CCSER1: variants seen among roughly 807,000 people sequenced by gnomAD.
The protein encoded by CCSER1 is coiled-coil serine rich protein 1, also known as serine-rich coiled-coil domain-containing protein 1.
In CCSER1, 41 loss-of-function variants were observed where a neutral mutation model predicts 82.0. That is an observed-to-expected ratio of 0.50 (90% CI 0.39 to 0.65). The LOEUF is 0.65. Among genes scored for constraint, CCSER1 ranks in the 30% least tolerant of loss-of-function variants. The pLI, the probability that CCSER1 is intolerant of heterozygous loss-of-function variation, is 0.00. For missense variants in CCSER1, 1,119 were observed against 1,064.2 expected (o/e 1.05, Z -0.72); for synonymous variants, 414 against 383.9 (o/e 1.08, Z -0.92).
intron 9 of CCSER1, among the ~76,000 whole-genome samples, chr4:91,005,659 A>G (rs1561464356): frequency 6.6e-6 from 1 of 152,210 alleles, no homozygotes; most frequent in East Asian, 1.9e-4. Context: ...TTCATCTTGC[A>G]TAACTGAAAC....
intron 9 of CCSER1, among the ~76,000 whole-genome samples, chr4:90,925,000 T>A (rs2150257330): frequency 6.6e-6 from 1 of 152,314 alleles, no homozygotes; most frequent in Non-Finnish European, 1.5e-5. Flanking sequence ...GTTCTGGGAT[T>A]ACAGGCGTGA....
At position 91,030,511 on chromosome 4, in the gene CCSER1, G is replaced by A. The variant is rs546145307; in HGVS notation, c.2173-55439G>A. Among the ~76,000 whole-genome samples the A allele has an allele frequency of 3.3e-5, 5 of 152,180 alleles. No individual in the cohort carries two copies. In the East Asian group the frequency reaches 9.7e-4, roughly 29 times the overall value. On this transcript the variant is annotated intron_variant, in intron 9 of 10. Transcript: ENST00000509176. ...AAAAGAGAGCTGATGCCGGCCTGGA[G>A]GATGAGAGAGCTGTGGAGGCAGGAC... is the stretch of plus-strand genomic sequence containing the variant.
At chr4:90,682,632 C>G (rs1281029485) in intron 6 of CCSER1, among the ~76,000 whole-genome samples, 1 of 151,868 alleles carries the variant, frequency 6.6e-6, no homozygotes, top group African/African-American at 2.4e-5. Flanking sequence ...CTCCACTAAC[C>G]AAGGATAATG....
chr4:91,440,890 G>T (rs975301967), intron 10 of CCSER1, among the ~76,000 whole-genome samples: 1 of 152,030 alleles, frequency 6.6e-6, no homozygotes, highest in African/African-American at 2.4e-5. Context: ...TAAATTCCTC[G>T]ACACATACAC....
chr4:90,781,236 C>T, intron 7 of CCSER1: 1 of 982,600 alleles, frequency 1.0e-6, no homozygotes, highest in Non-Finnish European at 1.2e-6. Flanking sequence ...CTATATCACT[C>T]AGAATCTGGA....
In CCSER1 at chr4:90,656,725, C is replaced by T. The variant is rs559765653; in HGVS notation, c.1932+28493C>T. 6.1e-3 allele frequency among the ~76,000 whole-genome samples: 924 copies of T among 151,750 alleles called. 5 individuals are homozygous for T. The highest frequency in any genetic ancestry group is 0.024 in the Middle Eastern group (7 of 286). ...CTATTTGTCCCTCTTGTTCTATGTT[C>T]CTTTTTGTATCTCCTTGAAATAATT... On this transcript the variant is annotated intron_variant, in intron 6 of 10. Coordinates refer to ENST00000509176, the MANE Select transcript of CCSER1 (RefSeq NM_001145065.2).
At chr4:91,554,002 T>C (rs909348724) in intron 10 of CCSER1, among the ~76,000 whole-genome samples, 1 of 149,802 alleles carries the variant, frequency 6.7e-6, no homozygotes, top group African/African-American at 2.5e-5. Flanking sequence ...TTGCTTATTT[T>C]CTTAATGTAA....
At chr4:91,449,173 C>T (rs1009671068) in intron 10 of CCSER1, among the ~76,000 whole-genome samples, 1 of 151,912 alleles carries the variant, frequency 6.6e-6, no homozygotes, top group African/African-American at 2.4e-5. Flanking sequence ...GAGAGATAGA[C>T]GTTACTCTCC....
intron 10 of CCSER1, among the ~76,000 whole-genome samples, chr4:91,219,865 C>T (rs1737598064): frequency 6.6e-6 from 1 of 152,138 alleles, no homozygotes; most frequent in African/African-American, 2.4e-5. Context: ...ATCTGTCTCT[C>T]ATATCTGTCT....
chr4:90,773,052 C>G (rs1752431895), intron 7 of CCSER1, among the ~76,000 whole-genome samples: 1 of 151,964 alleles, frequency 6.6e-6, no homozygotes, highest in East Asian at 1.9e-4. Context: ...ACCAGCCTGA[C>G]CAACGTGGAG....
At chr4:90,360,579 CAAA>C (rs61140876) in intron 3 of CCSER1, among the ~76,000 whole-genome samples, 15,173 of 74,736 alleles carry the variant, frequency 0.2, 564 homozygotes, top group South Asian at 0.28. Context: ...GACTCCGTCT[CAAA>C]AAAAAAAAAA....
chr4:90,694,622 GT>G (rs1736646881), intron 6 of CCSER1, among the ~76,000 whole-genome samples: 1 of 141,832 alleles, frequency 7.1e-6, no homozygotes, highest in African/African-American at 2.9e-5. Context: ...ATGTTTTCGT[GT>G]TTACTTGTTG....
At chr4:90,378,851 T>C (rs1398407105) in intron 3 of CCSER1, among the ~76,000 whole-genome samples, 1 of 152,208 alleles carries the variant, frequency 6.6e-6, no homozygotes, top group Non-Finnish European at 1.5e-5. Context: ...GTTTATATTA[T>C]TAATGTCTCT....
At chr4:90,813,772 C>T (rs1199253423) in intron 7 of CCSER1, among the ~76,000 whole-genome samples, 1 of 152,148 alleles carries the variant, frequency 6.6e-6, no homozygotes, top group Admixed American at 6.5e-5. Flanking sequence ...ACGTCTTTAT[C>T]AGCAGCATGA....
chr4:90,493,453 C>T (rs1367690347), intron 5 of CCSER1, among the ~76,000 whole-genome samples: 1 of 152,022 alleles, frequency 6.6e-6, no homozygotes, highest in Non-Finnish European at 1.5e-5. Flanking sequence ...CTCCAATACA[C>T]ATAATGGTCA....
intron 8 of CCSER1, among the ~76,000 whole-genome samples, chr4:90,893,887 G>A (rs1723320358): frequency 6.6e-6 from 1 of 151,564 alleles, no homozygotes; most frequent in Admixed American, 6.6e-5. Context: ...CATTTCCCGT[G>A]TTAAATTATT....
At chr4:91,368,645 A>C (rs1749808873) in intron 10 of CCSER1, among the ~76,000 whole-genome samples, 1 of 152,122 alleles carries the variant, frequency 6.6e-6, no homozygotes, top group Non-Finnish European at 1.5e-5. Flanking sequence ...TCCTGGATTC[A>C]TAATTGCCAT....
intron 6 of CCSER1, among the ~76,000 whole-genome samples, chr4:90,639,869 T>C (rs1726160379): frequency 6.6e-6 from 1 of 152,096 alleles, no homozygotes; most frequent in African/African-American, 2.4e-5. Context: ...TGGCTAGAAA[T>C]GTAGATTGAT....
intron 1 of CCSER1, among the ~76,000 whole-genome samples, chr4:90,275,198 G>A (rs998542261): frequency 2.0e-5 from 3 of 152,036 alleles, no homozygotes; most frequent in Non-Finnish European, 2.9e-5. Flanking sequence ...TTGTATCCTC[G>A]ACTACTACTT....
Sources: allele counts gnomAD v4.1 joint callset (sites outside exome capture counted in the v4.1 genomes callset), GRCh38; gene constraint gnomAD v4.1.1; transcripts MANE v1.5; gene names NCBI Gene and HGNC (gene_info 2026-07-23, HGNC 2026-07-21).